UNC5C: variants seen among roughly 807,000 people sequenced by gnomAD.
UNC5C encodes unc-5 netrin receptor C.
Under a neutral mutation model 99.8 loss-of-function variants are expected in UNC5C, and 47 were observed. The ratio of observed to expected loss-of-function variants is 0.47; its 90% CI spans 0.37 to 0.60. The LOEUF (loss-of-function observed/expected upper bound fraction) is 0.60. UNC5C is among the 20% of genes least tolerant of loss of function. UNC5C has a pLI of 0.00. For missense variants in UNC5C, 1,062 were observed against 1,165.9 expected, an observed-to-expected ratio of 0.91 and a Z score of 1.30; for synonymous variants, 487 against 452.2, an observed-to-expected ratio of 1.08 and a Z score of -0.98.
intron 1 of UNC5C, among the ~76,000 whole-genome samples, chr4:95,393,850 G>GTTTGT (rs1745429881): frequency 7.5e-6 from 1 of 133,744 alleles, no homozygotes; most frequent in Non-Finnish European, 1.6e-5. Context: ...ACAATCTACT[G>GTTTGT]TTTTTTTTTT....
chr4:95,379,133 A>G (rs1355791176), intron 1 of UNC5C, among the ~76,000 whole-genome samples: 1 of 152,178 alleles, frequency 6.6e-6, no homozygotes, highest in East Asian at 1.9e-4. Context: ...CAATAAAGAA[A>G]TAGTCTGATC....
At chr4:95,401,042 G>T (rs771823589) in intron 1 of UNC5C, among the ~76,000 whole-genome samples, 2 of 152,030 alleles carry the variant, frequency 1.3e-5, no homozygotes, top group East Asian at 1.9e-4. Context: ...GGATGTTAAG[G>T]TATTCTCTTT....
intron 1 of UNC5C, among the ~76,000 whole-genome samples, chr4:95,480,620 T>A (rs532397143): frequency 1.3e-5 from 2 of 151,708 alleles, no homozygotes; most frequent in African/African-American, 4.8e-5. Context: ...AAGTTAGCCC[T>A]TGATAAGAAT....
intron 12 of UNC5C, among the ~76,000 whole-genome samples, chr4:95,202,380 G>A (rs1301170488): frequency 6.6e-6 from 1 of 152,224 alleles, no homozygotes; most frequent in East Asian, 1.9e-4. Context: ...GGAACATACA[G>A]TGTGAGCAAT....
chr4:95,498,967 A>G (rs1721701401), intron 1 of UNC5C, among the ~76,000 whole-genome samples: 1 of 152,126 alleles, frequency 6.6e-6, no homozygotes, highest in Non-Finnish European at 1.5e-5. Context: ...GAGCAAGTTT[A>G]AAATATTCAC....
intron 2 of UNC5C, among the ~76,000 whole-genome samples, chr4:95,304,177 G>A (rs533788326): frequency 8.5e-5 from 13 of 152,268 alleles, no homozygotes; most frequent in South Asian, 4.1e-4. Flanking sequence ...ATCCCAAGGC[G>A]TGACAGGATC....
At position 95,219,239 on chromosome 4, in the gene UNC5C, C is replaced by G. The variant is rs767365642; in HGVS notation, c.1375G>C (p.Val459Leu). 3.7e-6 allele frequency: 6 copies of G among 1,614,006 alleles called. No individual in the cohort carries two copies. The highest frequency in any genetic ancestry group is 3.3e-5 in the Admixed American group (2 of 60,008). Reference protein sequence around the residue: ...YRGPVYALHDVSDKIPMTNSP... With the variant: ...YRGPVYALHDLSDKIPMTNSP... ...TTGGTCATTGGGATTTTGTCTGAGA[C>G]GTCATGCAGGGCATAGACAGGTCCT... Residue 459 changes from valine to leucine, a missense_variant, in exon 9 of 16, where the codon GTC (valine) becomes CTC (leucine). Transcript: ENST00000453304.
chr4:95,216,836 T>A (rs1738270325), intron 9 of UNC5C, among the ~76,000 whole-genome samples: 1 of 152,234 alleles, frequency 6.6e-6, no homozygotes, highest in Non-Finnish European at 1.5e-5. Flanking sequence ...TGGCAGTGGC[T>A]TGCAAATTTG....
chr4:95,335,345 T>A, intron 2 of UNC5C, 65 bp downstream of exon 2: 2 of 1,393,416 alleles, frequency 1.4e-6, no homozygotes, highest in Non-Finnish European at 2.0e-6. Context: ...TAACAGTATG[T>A]CCACATGCTA....
At chr4:95,290,054 A>G (rs914036106) in intron 3 of UNC5C, among the ~76,000 whole-genome samples, 2 of 152,182 alleles carry the variant, frequency 1.3e-5, no homozygotes, top group African/African-American at 4.8e-5. Flanking sequence ...CTATAATCCC[A>G]GAACTTTGAG....
At chr4:95,307,535 C>T (rs1034911838) in intron 2 of UNC5C, among the ~76,000 whole-genome samples, 13 of 152,074 alleles carry the variant, frequency 8.5e-5, no homozygotes, top group African/African-American at 3.1e-4. Context: ...AGGACCTGCA[C>T]TTTTATTTAA....
At chr4:95,404,765 C>G (rs1341292094) in intron 1 of UNC5C, among the ~76,000 whole-genome samples, 1 of 152,178 alleles carries the variant, frequency 6.6e-6, no homozygotes, top group Non-Finnish European at 1.5e-5. Context: ...ATTTGGCCCA[C>G]CATGCCCTCT....
chr4:95,351,342 T>TA (rs1254258831), intron 1 of UNC5C, among the ~76,000 whole-genome samples: 1 of 151,776 alleles, frequency 6.6e-6, no homozygotes, highest in Non-Finnish European at 1.5e-5. Context: ...TTTTTTTTTT[T>TA]TTAATTTGCA....
intron 12 of UNC5C, among the ~76,000 whole-genome samples, chr4:95,196,571 G>A (rs932439382): frequency 6.6e-6 from 1 of 150,838 alleles, no homozygotes; most frequent in Non-Finnish European, 1.5e-5. Flanking sequence ...TAAGTTTCAG[G>A]TGACCATTTT....
At chr4:95,522,869 A>G (rs970073957) in intron 1 of UNC5C, among the ~76,000 whole-genome samples, 2 of 151,946 alleles carry the variant, frequency 1.3e-5, no homozygotes, top group African/African-American at 2.4e-5. Flanking sequence ...ACACTCCAAG[A>G]TCTGTGGTTT....
chr4:95,176,177 C>G (rs1182574371), intron 14 of UNC5C, among the ~76,000 whole-genome samples: 1 of 151,990 alleles, frequency 6.6e-6, no homozygotes, highest in African/African-American at 2.4e-5. Context: ...ACTTCTTTGC[C>G]TTTGGTTTGA....
chr4:95,172,245 G>T (rs1466329681), intron 14 of UNC5C, among the ~76,000 whole-genome samples: 10 of 151,836 alleles, frequency 6.6e-5, no homozygotes, highest in African/African-American at 1.7e-4. Flanking sequence ...TTATTTTAAT[G>T]AGATCCCATT....
chr4:95,245,702 AG>A (rs1739478950), intron 5 of UNC5C, among the ~76,000 whole-genome samples: 1 of 152,224 alleles, frequency 6.6e-6, no homozygotes, highest in Non-Finnish European at 1.5e-5. Context: ...TGGCTATTTG[AG>A]TTACTTGGCG....
In UNC5C at chr4:95,221,028, A is replaced by G. The variant is rs145099774; in HGVS notation, c.1109-852T>C. On this transcript the variant is annotated intron_variant, in intron 7 of 15. Transcript: ENST00000453304. ...TTTGACCAACACAGTGTGTCAGTCA[A>G]CTGAGGTCTTTTTTCTGGAACAGAA... Among the ~76,000 whole-genome samples the G allele has an allele frequency of 1.3e-4, 20 of 152,334 alleles. 1 individual carries two copies. The East Asian group carries it at 3.5e-3, about 26-fold the overall frequency.
Sources: gnomAD v4.1 joint callset for allele counts (sites outside exome capture counted in the v4.1 genomes callset) on GRCh38, gnomAD v4.1.1 for gene constraint, MANE v1.5 for transcripts, NCBI Gene and HGNC (gene_info 2026-07-23, HGNC 2026-07-21) for gene names.